The following SLC34A1 variants were observed in gnomAD, a reference collection of about 807,000 sequenced individuals.
The protein encoded by SLC34A1 is sodium-dependent phosphate transport protein 2A.
A neutral mutation model predicts 51.4 loss-of-function variants in SLC34A1; 57 were observed. The observed-to-expected ratio is 1.11, with a 90% confidence interval of 0.90 to 1.38. The LOEUF is 1.38. Among genes scored for constraint, SLC34A1 ranks in the 40% most tolerant of loss-of-function variants. The probability of loss-of-function intolerance (pLI) is 0.00; values close to 1 mark genes in which losing one functional copy is unlikely to be tolerated. For missense variants in SLC34A1, 796 were observed against 835.6 expected (o/e 0.95, Z 0.58); for synonymous variants, 368 against 358.0 (o/e 1.03, Z -0.32).
chr5:177,395,027 G>A (rs1762916365), intron 10 of SLC34A1, among the ~76,000 whole-genome samples: 1 of 152,034 alleles, frequency 6.6e-6, no homozygotes, highest in Non-Finnish European at 1.5e-5. Context: ...TTTAAAATTA[G>A]CTGGGCATGG....
chr5:177,390,024 A>C, intron 8 of SLC34A1: 1 of 1,299,084 alleles, frequency 7.7e-7, no homozygotes, highest in Non-Finnish European at 9.8e-7. Context: ...AAGGAGTGTG[A>C]CTCACACAGC....
rs1762677128 is a variant in SLC34A1 at position 177,388,315 on chromosome 5, T to G, written c.879T>G (p.Asp293Glu). 1 of 1,614,068 alleles carries G rather than the reference T, an allele frequency of 6.2e-7. No homozygotes were observed. Among genetic ancestry groups the G allele is most frequent in the Non-Finnish European group, 8.5e-7 (1 of 1,180,036 alleles). Residue 293 changes from aspartate to glutamate, a missense_variant, in exon 8 of 13, where the codon GAT (aspartate) becomes GAG (glutamate). By Grantham distance (45) the Asp-to-Glu change is conservative (BLOSUM62 2). Coordinates refer to ENST00000324417, the MANE Select transcript of SLC34A1 (RefSeq NM_003052.5). This position sits in a 1 kb window ranked among gnomAD's most constrained non-coding sequence, Gnocchi z 4.3. Reference sequence around the variant, plus strand: ...TGATAACCAGCATTGCCACTGGTGATGAGTCCCTGAGGAACCACAGTCTCA... The same window carrying G: ...TGATAACCAGCATTGCCACTGGTGAGGAGTCCCTGAGGAACCACAGTCTCA... The part of the protein sequence containing the change: ...ESVITSIATG[D>E]ESLRNHSLIQ...
chr5:177,390,992 A>T (rs1414996066), intron 8 of SLC34A1, among the ~76,000 whole-genome samples: 1 of 152,184 alleles, frequency 6.6e-6, no homozygotes, highest in Non-Finnish European at 1.5e-5. Flanking sequence ...GGTGACACAC[A>T]GCTGGGAACG....
At position 177,386,413 on chromosome 5, in the gene SLC34A1, T is replaced by C; in HGVS notation, c.389-10T>C. On this transcript the variant is annotated splice_polypyrimidine_tract_variant and intron_variant, in intron 4 of 12. Coordinates refer to ENST00000324417, the MANE Select transcript of SLC34A1 (RefSeq NM_003052.5). This position sits in a 1 kb window ranked among gnomAD's most constrained non-coding sequence, Gnocchi z 4.8. ...AAGGGCCTTGGACAACGCTGGCTCA[T>C]GCTCCCCAGGGAAGGTGGCTGGTGA... 2 of 1,614,202 alleles carry C rather than the reference T, an allele frequency of 1.2e-6. No homozygotes were observed. Among genetic ancestry groups the C allele is most frequent in the Non-Finnish European group, 1.7e-6 (2 of 1,180,036 alleles).
chr5:177,386,239 A>C lies in SLC34A1; in HGVS notation c.278A>C (p.Lys93Thr). The C allele has an allele frequency of 6.5e-7, 1 of 1,544,082 alleles. No homozygotes were observed. The highest frequency in any genetic ancestry group is 8.9e-7 in the Non-Finnish European group (1 of 1,119,872). ...EQKPESRLVP[K>T]LRQAGAMLLK... ...CATCCAGAGTCCAGGCTGGTCCCCA[A>C]GCTGCGCCAGGCTGGCGCCATGCTG... is the stretch of plus-strand genomic sequence containing the variant. The change falls in exon 4 of 13, where the codon AAG becomes ACG. Residue 93 changes from lysine to threonine, a missense_variant. Lys to Thr is a moderately conservative substitution (Grantham distance 78). Transcript: ENST00000324417. This position sits in a 1 kb window ranked among gnomAD's most constrained non-coding sequence, Gnocchi z 4.8.
At chr5:177,389,813 C>A in intron 8 of SLC34A1, 4 of 1,523,478 alleles carry the variant, frequency 2.6e-6, no homozygotes, top group Non-Finnish European at 1.8e-6. Context: ...CACCCAGGTT[C>A]ACTCTGGGGA....
intron 5 of SLC34A1, among the ~76,000 whole-genome samples, 198 bp from the exon 6 acceptor site, chr5:177,387,564 C>T (rs765052416): frequency 6.6e-6 from 1 of 152,236 alleles, no homozygotes; most frequent in African/African-American, 2.4e-5. Context: ...TACATCTACT[C>T]GCATGGATGA....
At chr5:177,389,936 C>T in intron 8 of SLC34A1, 1 of 1,413,742 alleles carries the variant, frequency 7.1e-7, no homozygotes. Context: ...GGCAGGGTCT[C>T]ATTTCCTCGG....
chr5:177,388,330 CCA>C lies in SLC34A1; in HGVS notation c.897_898del (p.His299GlnfsTer139). ...CCACTGGTGATGAGTCCCTGAGGAA[CCA>C]CAGTCTCATCCAGATCTGGTGCCAC... ...IATGDESLRN[H>X]SLIQIWCHPD... On this transcript the variant is annotated frameshift_variant, in exon 8 of 13. Transcript: ENST00000324417. LOFTEE classifies it high-confidence loss of function. This position sits in a 1 kb window ranked among gnomAD's most constrained non-coding sequence, Gnocchi z 4.3. 8 of 1,614,186 alleles carry C rather than the reference CCA, an allele frequency of 5.0e-6. No homozygotes were observed. Among genetic ancestry groups the C allele is most frequent in the Non-Finnish European group, 6.8e-6 (8 of 1,180,034 alleles).
chr5:177,394,137 G>T lies in SLC34A1; in HGVS notation c.1116G>T (p.Met372Ile), dbSNP rs781312060. The stretch of plus-strand genomic sequence containing the variant: ...CCTGCCTCATCCTCCTAGTCAAGAT[G>T]CTCAACTCCCTGCTCAAGGGCCAAG... Reference protein sequence around the residue: ...LCTCLILLVKMLNSLLKGQVA... With the variant: ...LCTCLILLVKILNSLLKGQVA... The change falls in exon 10 of 13, where the codon ATG becomes ATT. Residue 372 changes from methionine (M) to isoleucine (I), a missense_variant. Transcript: ENST00000324417. 3 of 1,613,994 alleles carry T rather than the reference G, an allele frequency of 1.9e-6. No individual in the cohort carries two copies. In the African/African-American group the frequency reaches 4.0e-5, roughly 22 times the overall value.
intron 1 of SLC34A1, among the ~76,000 whole-genome samples, chr5:177,385,010 G>C (rs1762508474): frequency 6.6e-6 from 1 of 152,220 alleles, no homozygotes; most frequent in Non-Finnish European, 1.5e-5. Context: ...TCCTGGGGCA[G>C]TGCGGGGACA....
rs937070811 is a variant in SLC34A1 at position 177,396,060 on chromosome 5, G to A, written c.1175-673G>A. 5.9e-5 allele frequency among the ~76,000 whole-genome samples: 9 copies of A among 152,190 alleles called. No individual in the cohort carries two copies. The highest frequency in any genetic ancestry group is 2.2e-4 in the African/African-American group (9 of 41,440). ...ATCCCAAAGTGCTGGGATTATAGGT[G>A]TGAGCCACCTTGCCCAGCCTTGGTT... On this transcript the variant is annotated intron_variant, in intron 10 of 12. Transcript: ENST00000324417. This position sits in a 1 kb window ranked among gnomAD's most constrained non-coding sequence, Gnocchi z 4.0.
At position 177,385,871 on chromosome 5, in the gene SLC34A1, C is replaced by G. The variant is rs763327359; in HGVS notation, c.109+21C>G. On this transcript the variant is annotated intron_variant, in intron 2 of 12. Coordinates refer to ENST00000324417, the MANE Select transcript of SLC34A1 (RefSeq NM_003052.5). ...TCAGGGTAAGTGCTGCTCCCACACCCTGGACCCTGGTTGCCCACGGTTGCC... is the reference window on the plus strand; with the variant it reads ...TCAGGGTAAGTGCTGCTCCCACACCGTGGACCCTGGTTGCCCACGGTTGCC... The G allele has an allele frequency of 3.1e-6, 5 of 1,611,948 alleles. No individual in the cohort carries two copies. In the East Asian group the frequency reaches 8.9e-5, roughly 29 times the overall value.
At chr5:177,397,697 G>A (rs1008443591) in intron 12 of SLC34A1, 86 bp from the exon 13 acceptor site, 105 of 1,554,016 alleles carry the variant, frequency 6.8e-5, no homozygotes, top group African/African-American at 1.2e-4. Flanking sequence ...AGACCAGATC[G>A]GGGTTCCTAT....
chr5:177,393,855 C>G (rs1334064989), intron 9 of SLC34A1, 92 bp downstream of exon 9: 1 of 1,500,222 alleles, frequency 6.7e-7, no homozygotes, highest in East Asian at 2.3e-5. Flanking sequence ...TTGTGTCCAG[C>G]CCCAGGAAGC....
chr5:177,393,909 G>A (rs1261288119), intron 9 of SLC34A1, 119 bp from the exon 10 acceptor site: 32 of 1,500,636 alleles, frequency 2.1e-5, no homozygotes, highest in Admixed American at 5.0e-5. Flanking sequence ...GTCAAGCTCC[G>A]GTGTTGAGGC....
chr5:177,390,733 A>G (rs745940208), intron 8 of SLC34A1, among the ~76,000 whole-genome samples: 13 of 151,916 alleles, frequency 8.6e-5, no homozygotes, highest in Non-Finnish European at 1.5e-4. Flanking sequence ...CAAAGGCCCT[A>G]GAGCTCCCCT....
intron 8 of SLC34A1, among the ~76,000 whole-genome samples, chr5:177,390,866 C>A (rs537677081): frequency 6.6e-6 from 1 of 152,284 alleles, no homozygotes; most frequent in East Asian, 1.9e-4. Flanking sequence ...GCACTTAAAT[C>A]CCAACTCCCT....
At position 177,398,302 on chromosome 5, in the gene SLC34A1, TAC is replaced by T; in HGVS notation, c.*18_*19del. 6.3e-7 allele frequency: 1 copy of T among 1,599,128 alleles called. No homozygotes were observed. The highest frequency in any genetic ancestry group is 8.5e-7 in the Non-Finnish European group (1 of 1,179,886). On this transcript the variant is annotated 3_prime_UTR_variant, in exon 13 of 13. Coordinates refer to ENST00000324417, the MANE Select transcript of SLC34A1 (RefSeq NM_003052.5). This position sits in a 1 kb window ranked among gnomAD's most constrained non-coding sequence, Gnocchi z 4.7. ...CCGCCTCTAGGCTGTGGGCCCAGAC[TAC>T]AGCCTGGAATGGGGAAGGCCTGGGG...
Sources: allele counts gnomAD v4.1 joint callset (sites outside exome capture counted in the v4.1 genomes callset), GRCh38; gene constraint gnomAD v4.1.1; non-coding constraint Gnocchi (gnomAD v3.1); transcripts MANE v1.5; gene names NCBI Gene and HGNC (gene_info 2026-07-23, HGNC 2026-07-21).